Variants in DPYD observed in about 807,000 individuals in gnomAD.
The protein encoded by DPYD is dihydropyrimidine dehydrogenase, also known as dihydropyrimidine dehydrogenase [NADP(+)].
Under a neutral mutation model 116.2 loss-of-function variants are expected in DPYD, and 109 were observed. The ratio of observed to expected loss-of-function variants is 0.94; its 90% CI spans 0.80 to 1.10. The LOEUF (loss-of-function observed/expected upper bound fraction) is 1.10, where lower values mean the gene tolerates loss of function less well. Among genes scored for constraint, DPYD ranks in the 50% least tolerant of loss-of-function variants. The pLI is 0.00. For missense variants in DPYD, 1,302 were observed against 1,254.5 expected (o/e 1.04, Z -0.57); for synonymous variants, 440 against 432.0 (o/e 1.02, Z -0.23).
chr1:97,153,277 C>G (rs1655168572), intron 20 of DPYD, among the ~76,000 whole-genome samples: 1 of 152,120 alleles, frequency 6.6e-6, no homozygotes, highest in African/African-American at 2.4e-5. Flanking sequence ...AGAATAACAG[C>G]TGCATCCACA....
chr1:97,124,781 T>A (rs1468069254), intron 20 of DPYD, among the ~76,000 whole-genome samples: 1 of 152,172 alleles, frequency 6.6e-6, no homozygotes, highest in African/African-American at 2.4e-5. Context: ...GAATAGTTTA[T>A]CTGATCTCCT....
In DPYD at chr1:97,696,559, G is replaced by A. The variant is rs571088742; in HGVS notation, c.680+2792C>T. 2.0e-5 allele frequency among the ~76,000 whole-genome samples: 3 copies of A among 151,974 alleles called. No individual in the cohort carries two copies. In the South Asian group the frequency reaches 6.2e-4, roughly 32 times the overall value. Reference sequence around the variant, plus strand: ...TATTTTCCAAGTTTGTTGTGCTTAGGAAAACAAACTTTTCTTCTATCTGTG... The same window carrying A: ...TATTTTCCAAGTTTGTTGTGCTTAGAAAAACAAACTTTTCTTCTATCTGTG... On this transcript the variant is annotated intron_variant, in intron 6 of 22. Transcript: ENST00000370192.
At chr1:97,286,177 G>A (rs1570428939) in intron 18 of DPYD, among the ~76,000 whole-genome samples, 1 of 152,056 alleles carries the variant, frequency 6.6e-6, no homozygotes, top group Non-Finnish European at 1.5e-5. Context: ...CTTCACTTAT[G>A]AAGCTTAGTT....
At chr1:97,629,719 C>T (rs1414877841) in intron 8 of DPYD, among the ~76,000 whole-genome samples, 6 of 151,884 alleles carry the variant, frequency 4.0e-5, no homozygotes, top group African/African-American at 1.5e-4. Flanking sequence ...GCATAAAATG[C>T]TAGAAATCTT....
At chr1:97,470,325 T>C (rs1364444779) in intron 13 of DPYD, among the ~76,000 whole-genome samples, 11 of 152,096 alleles carry the variant, frequency 7.2e-5, no homozygotes, top group Middle Eastern at 6.8e-3. Flanking sequence ...AGAGATAACA[T>C]CTCAAAAATT....
intron 16 of DPYD, among the ~76,000 whole-genome samples, chr1:97,311,184 T>C (rs2101057908): frequency 6.6e-6 from 1 of 151,744 alleles, no homozygotes; most frequent in Admixed American, 6.6e-5. Context: ...TTTGAAGATA[T>C]TAAAATTAAA....
chr1:97,216,426 C>T (rs771912242), intron 19 of DPYD, among the ~76,000 whole-genome samples: 9 of 152,228 alleles, frequency 5.9e-5, no homozygotes, highest in Admixed American at 2.6e-4. Flanking sequence ...ACATTGATGA[C>T]GTGTTTTTCT....
chr1:97,545,243 G>A (rs1171550099), intron 12 of DPYD, among the ~76,000 whole-genome samples: 1 of 152,034 alleles, frequency 6.6e-6, no homozygotes, highest in Non-Finnish European at 1.5e-5. Context: ...TTTCTTGAGC[G>A]TATCTCTTAT....
At chr1:97,124,185 C>T (rs1055625438) in intron 20 of DPYD, among the ~76,000 whole-genome samples, 7 of 152,062 alleles carry the variant, frequency 4.6e-5, no homozygotes, top group African/African-American at 1.7e-4. Context: ...TGGACTTCTT[C>T]CTGATTTTAC....
At chr1:97,552,907 G>A (rs1019182138) in intron 11 of DPYD, among the ~76,000 whole-genome samples, 4 of 151,868 alleles carry the variant, frequency 2.6e-5, no homozygotes, top group African/African-American at 9.7e-5. Flanking sequence ...TCACACAGCT[G>A]GTTATGAGGT....
chr1:97,218,648 C>A (rs1660575331), intron 19 of DPYD, among the ~76,000 whole-genome samples: 1 of 151,312 alleles, frequency 6.6e-6, no homozygotes. Context: ...AGGAATGGGA[C>A]CTTTTCAAAT....
At chr1:97,407,628 C>T (rs1673739561) in intron 14 of DPYD, among the ~76,000 whole-genome samples, 1 of 152,116 alleles carries the variant, frequency 6.6e-6, no homozygotes, top group Non-Finnish European at 1.5e-5. Flanking sequence ...CTTTACAGGG[C>T]TGGGGCAAAG....
intron 20 of DPYD, among the ~76,000 whole-genome samples, chr1:97,130,856 TTCCTTCCTTCC>T (rs1160401056): frequency 7.4e-6 from 1 of 134,690 alleles, no homozygotes; most frequent in Non-Finnish European, 1.6e-5. Context: ...CCTTCCTTCC[TTCCTTCCTTCC>T]TTCCTTCCTT....
At chr1:97,411,090 T>C (rs922185843) in intron 14 of DPYD, among the ~76,000 whole-genome samples, 1 of 152,160 alleles carries the variant, frequency 6.6e-6, no homozygotes. Flanking sequence ...AGGGCATGCA[T>C]TCTGATCACG....
intron 18 of DPYD, among the ~76,000 whole-genome samples, chr1:97,270,584 T>G (rs537627333): frequency 9.6e-4 from 146 of 152,164 alleles, no homozygotes; most frequent in Non-Finnish European, 1.7e-3. Context: ...ATATTTCATA[T>G]ATAAACAATT....
At chr1:97,369,299 A>G (rs947177856) in intron 16 of DPYD, among the ~76,000 whole-genome samples, 2 of 152,296 alleles carry the variant, frequency 1.3e-5, no homozygotes, top group Admixed American at 1.3e-4. Flanking sequence ...GAGTCGCAGG[A>G]GACAGAACCT....
intron 13 of DPYD, among the ~76,000 whole-genome samples, chr1:97,488,663 A>G (rs1678791801): frequency 6.6e-6 from 1 of 152,170 alleles, no homozygotes; most frequent in South Asian, 2.1e-4. Context: ...AGACCTAGCT[A>G]AAACAGGGCC....
intron 8 of DPYD, among the ~76,000 whole-genome samples, chr1:97,622,592 C>T (rs900012586): frequency 2.6e-5 from 4 of 151,964 alleles, no homozygotes; most frequent in South Asian, 2.1e-4. Flanking sequence ...TTAATAATAA[C>T]GTATTAATTC....
intron 13 of DPYD, among the ~76,000 whole-genome samples, chr1:97,506,711 C>A (rs548498647): frequency 6.6e-6 from 1 of 151,938 alleles, no homozygotes; most frequent in African/African-American, 2.4e-5. Context: ...GAAATCACAG[C>A]CTGAAATGGG....
Sources: allele counts gnomAD v4.1 joint callset (sites outside exome capture counted in the v4.1 genomes callset), GRCh38; gene constraint gnomAD v4.1.1; transcripts MANE v1.5; gene names NCBI Gene and HGNC (gene_info 2026-07-23, HGNC 2026-07-21).